The following TRPC4 variants were observed in gnomAD, a reference collection of about 807,000 sequenced individuals.
The protein encoded by TRPC4 is transient receptor potential cation channel subfamily C member 4.
A neutral mutation model predicts 99.4 loss-of-function variants in TRPC4; 49 were observed. That is an observed-to-expected ratio of 0.49 (90% CI 0.39 to 0.63). TRPC4 has a LOEUF of 0.63. Among genes scored for constraint, TRPC4 ranks in the 20% least tolerant of loss-of-function variants. The probability of loss-of-function intolerance (pLI) is 0.00; values close to 1 mark genes in which losing one functional copy is unlikely to be tolerated. For missense variants in TRPC4, 898 were observed against 1,152.9 expected (o/e 0.78, Z 3.20); for synonymous variants, 454 against 425.9 (o/e 1.07, Z -0.81).
intron 1 of TRPC4, among the ~76,000 whole-genome samples, chr13:37,815,992 A>T (rs965719060): frequency 6.6e-6 from 1 of 151,954 alleles, no homozygotes; most frequent in Non-Finnish European, 1.5e-5. Flanking sequence ...TAAACAACCT[A>T]CTCAAGAATG....
intron 3 of TRPC4, among the ~76,000 whole-genome samples, chr13:37,711,564 CT>C (rs1270175335): frequency 6.6e-6 from 1 of 151,898 alleles, no homozygotes; most frequent in Non-Finnish European, 1.5e-5. Context: ...TTGAAGTTCA[CT>C]TTAATTATTT....
intron 1 of TRPC4, among the ~76,000 whole-genome samples, chr13:37,822,002 C>A (rs943005694): frequency 4.6e-5 from 7 of 151,986 alleles, no homozygotes; most frequent in Admixed American, 3.9e-4. Context: ...GGAAAAGAAA[C>A]TATTAACAGA....
intron 1 of TRPC4, among the ~76,000 whole-genome samples, chr13:37,807,276 T>C (rs1957550559): frequency 6.6e-6 from 1 of 152,026 alleles, no homozygotes. Context: ...TTTATATCCA[T>C]AAAGAGCTGC....
chr13:37,864,272 A>G (rs1404367458), intron 1 of TRPC4, among the ~76,000 whole-genome samples: 1 of 151,546 alleles, frequency 6.6e-6, no homozygotes, highest in Non-Finnish European at 1.5e-5. Context: ...CTCCTCTCAT[A>G]GTGTAATGGA....
rs1447305289 is a variant in TRPC4 at position 37,636,211 on chromosome 13, T to A, written c.*692A>T. ...TAATTAAAAAAACTGGAGGGGCGAG[T>A]TTTTTTCCTGACAAAATGTCGTTAA... On this transcript the variant is annotated 3_prime_UTR_variant, in exon 11 of 11. Coordinates refer to ENST00000379705, the MANE Select transcript of TRPC4 (RefSeq NM_016179.4). Among the ~76,000 whole-genome samples the A allele has an allele frequency of 6.6e-6, 1 of 151,660 alleles. No individual in the cohort carries two copies.
In TRPC4 at chr13:37,676,267, G is replaced by GA. The variant is rs10710897; in HGVS notation, c.1235-1901dup. ...AAGAAAAAATACCGAAAGCAGCCAA[G>GA]AAAAAAAAAAAAAGGAAAAAAGAGA... On this transcript the variant is annotated intron_variant, in intron 4 of 10. Transcript: ENST00000379705. Among the ~76,000 whole-genome samples, 313 of 128,238 alleles carry GA rather than the reference G, an allele frequency of 2.4e-3. 3 individuals carry two copies. The highest frequency in any genetic ancestry group is 6.3e-3 in the South Asian group (26 of 4,122). 84.1% of individuals were successfully genotyped at this position (128,238 alleles called of 152,430 possible).
At chr13:37,705,086 T>C (rs151239973) in intron 3 of TRPC4, among the ~76,000 whole-genome samples, 1 of 152,296 alleles carries the variant, frequency 6.6e-6, no homozygotes, top group African/African-American at 2.4e-5. Context: ...GAAGCTGTGG[T>C]ATAGATATAC....
chr13:37,760,333 C>T (rs1394243309), intron 2 of TRPC4, among the ~76,000 whole-genome samples: 3 of 151,902 alleles, frequency 2.0e-5, no homozygotes, highest in Non-Finnish European at 4.4e-5. Flanking sequence ...TTCCCTCTCA[C>T]CTATCCAGTT....
intron 1 of TRPC4, among the ~76,000 whole-genome samples, chr13:37,801,382 C>T (rs1012224613): frequency 2.0e-5 from 3 of 152,066 alleles, no homozygotes; most frequent in African/African-American, 7.2e-5. Context: ...CTTCTTCACT[C>T]TACTCTAGGT....
At chr13:37,748,377 A>G (rs1416969592) in intron 2 of TRPC4, among the ~76,000 whole-genome samples, 1 of 152,190 alleles carries the variant, frequency 6.6e-6, no homozygotes, top group African/African-American at 2.4e-5. Flanking sequence ...AGCTGTTAAG[A>G]ATTTCAAATT....
intron 3 of TRPC4, among the ~76,000 whole-genome samples, chr13:37,710,632 C>T (rs1161935241): frequency 6.6e-6 from 1 of 151,814 alleles, no homozygotes; most frequent in East Asian, 1.9e-4. Flanking sequence ...TGTTTCCTGG[C>T]AAAATACATT....
chr13:37,839,249 C>T (rs956923299), intron 1 of TRPC4, among the ~76,000 whole-genome samples: 4 of 152,110 alleles, frequency 2.6e-5, no homozygotes, highest in African/African-American at 4.8e-5. Context: ...CCTCTGTTCT[C>T]CCCCTTTGTG....
intron 1 of TRPC4, among the ~76,000 whole-genome samples, chr13:37,808,034 T>G (rs933446923): frequency 2.0e-5 from 3 of 152,110 alleles, no homozygotes; most frequent in African/African-American, 2.4e-5. Context: ...TTTATTTCCT[T>G]TGTTTTCCTA....
chr13:37,792,992 G>A (rs564738996), intron 1 of TRPC4, among the ~76,000 whole-genome samples: 5 of 152,182 alleles, frequency 3.3e-5, no homozygotes, highest in South Asian at 2.1e-4. Flanking sequence ...AGCCAGAGAC[G>A]AGAGAAGTAA....
Position 37,637,277 on chromosome 13 carries a change from G to A in TRPC4, c.2560C>T (p.Gln854Ter). The A allele has an allele frequency of 6.2e-7, 1 of 1,613,848 alleles. No homozygotes were observed. Among genetic ancestry groups the A allele is most frequent in the Admixed American group, 1.7e-5 (1 of 59,956 alleles). ...NFGLFHRRSK[Q>*]NAAEQNANQI... is the part of the protein sequence containing the mutation. ...TTTGCATTTTGCTCAGCAGCATTTTGTTTTGATCGTCTATGAAATAACCCA... is the reference window on the plus strand; with the variant it reads ...TTTGCATTTTGCTCAGCAGCATTTTATTTTGATCGTCTATGAAATAACCCA... Residue 854 changes from glutamine to a stop codon, truncating the protein, a stop_gained, in exon 11 of 11, where the codon CAA becomes TAA. Transcript: ENST00000379705. LOFTEE classifies it high-confidence loss of function.
intron 8 of TRPC4, among the ~76,000 whole-genome samples, chr13:37,640,066 A>C (rs1213218595): frequency 6.6e-6 from 1 of 152,172 alleles, no homozygotes; most frequent in East Asian, 1.9e-4. Flanking sequence ...CAGATTCTCA[A>C]GTATTCTAAA....
chr13:37,727,164 G>A (rs561871969), intron 3 of TRPC4, among the ~76,000 whole-genome samples: 6 of 151,804 alleles, frequency 4.0e-5, no homozygotes, highest in Non-Finnish European at 7.4e-5. Flanking sequence ...ACATTTTCAG[G>A]GTAGACCACG....
intron 3 of TRPC4, among the ~76,000 whole-genome samples, chr13:37,713,552 C>T (rs983370445): frequency 6.6e-6 from 1 of 152,114 alleles, no homozygotes; most frequent in Non-Finnish European, 1.5e-5. Flanking sequence ...ATAGCTGTTT[C>T]CACTGTCTGT....
intron 8 of TRPC4, among the ~76,000 whole-genome samples, chr13:37,648,968 A>C (rs1479821000): frequency 6.6e-6 from 1 of 151,318 alleles, no homozygotes; most frequent in Admixed American, 6.6e-5. Context: ...ATTGCCTAAA[A>C]TTAAAATATG....
Sources: allele counts gnomAD v4.1 joint callset (sites outside exome capture counted in the v4.1 genomes callset), GRCh38; gene constraint gnomAD v4.1.1; transcripts MANE v1.5; gene names NCBI Gene and HGNC (gene_info 2026-07-23, HGNC 2026-07-21).